Variants in RASSF2 observed in about 807,000 individuals in gnomAD.
The protein encoded by RASSF2 is ras association domain-containing protein 2.
RASSF2 carries 34 observed loss-of-function variants against 46.3 expected under a neutral mutation model. The ratio of observed to expected loss-of-function variants is 0.73; its 90% confidence interval spans 0.56 to 0.98. RASSF2 has a LOEUF of 0.98. Among genes scored for constraint, RASSF2 ranks in the 50% least tolerant of loss-of-function variants. The pLI is 0.00. For synonymous variants in RASSF2, 158 were observed against 162.5 expected, an observed-to-expected ratio of 0.97 and a Z score of 0.21; for missense variants, 364 against 431.2, an observed-to-expected ratio of 0.84 and a Z score of 1.38.
intron 2 of RASSF2, among the ~76,000 whole-genome samples, chr20:4,811,632 A>G (rs1378082560): frequency 6.6e-6 from 1 of 152,060 alleles, no homozygotes; most frequent in African/African-American, 2.4e-5. Context: ...CCCTACTACT[A>G]ATATTTCCAA....
chr20:4,785,860 A>C (rs1383499969), intron 11 of RASSF2, among the ~76,000 whole-genome samples: 2 of 152,210 alleles, frequency 1.3e-5, no homozygotes, highest in East Asian at 1.9e-4. Flanking sequence ...CGGAGTGAGC[A>C]TCTGTCTCCT....
intron 6 of RASSF2, 24 bp downstream of exon 6, chr20:4,792,515 G>A (rs768239115): frequency 6.2e-7 from 1 of 1,613,898 alleles, no homozygotes; most frequent in Non-Finnish European, 8.5e-7. Context: ...TCCCTAGCTG[G>A]AAGTACCTTC....
chr20:4,786,158 C>T (rs567701086), intron 11 of RASSF2, 73 bp downstream of exon 11: 20 of 1,243,736 alleles, frequency 1.6e-5, no homozygotes, highest in African/African-American at 7.5e-5. Context: ...ACAGTCCCTG[C>T]GAGGACCCAG....
chr20:4,789,658 C>T lies in RASSF2; in HGVS notation c.577G>A (p.Val193Ile), dbSNP rs750014996. 3.0e-5 allele frequency: 49 copies of T among 1,614,026 alleles called. No homozygotes were observed. Among genetic ancestry groups the T allele is most frequent in the Non-Finnish European group, 4.2e-5 (49 of 1,180,002 alleles). ...GTGGTCATGGTGCTGTTGATGCGGA[C>T]GTTGGTGACAGAGCCATAGGCTGGT... ...FTPAYGSVTN[V>I]RINSTMTTPQ... The change falls in exon 8 of 12, where the codon GTC (valine) becomes ATC (isoleucine). Residue 193 changes from valine (V) to isoleucine (I), a missense_variant. Coordinates refer to ENST00000379400, the MANE Select transcript of RASSF2 (RefSeq NM_014737.3).
rs982502159 is a variant in RASSF2, at chr20:4,780,682, T to C, written c.*3591A>G. The C allele has an allele frequency of 6.6e-6, 1 of 152,228 alleles. No individual in the cohort carries two copies. Among genetic ancestry groups the C allele is most frequent in the African/African-American group, 2.4e-5 (1 of 41,454 alleles). The allele number at this position is 152,228 out of a possible 1,614,324, so 9.4% of individuals were successfully genotyped here. Reference sequence around the variant, plus strand: ...GCCTTGTTCATGTAGAAATTTCTCTTTTGGCTGGGCACAGTGGCTCACGCC... The same window carrying C: ...GCCTTGTTCATGTAGAAATTTCTCTCTTGGCTGGGCACAGTGGCTCACGCC... On this transcript the variant is annotated 3_prime_UTR_variant, in exon 12 of 12. Coordinates refer to ENST00000379400, the MANE Select transcript of RASSF2 (RefSeq NM_014737.3).
At chr20:4,810,475 C>T (rs1044408103) in intron 2 of RASSF2, among the ~76,000 whole-genome samples, 4 of 152,160 alleles carry the variant, frequency 2.6e-5, no homozygotes, top group Non-Finnish European at 5.9e-5. Flanking sequence ...TCCAAACGCT[C>T]CATGATCAGG....
chr20:4,796,141 G>A (rs141927711), intron 4 of RASSF2, among the ~76,000 whole-genome samples, 175 bp from the exon 5 acceptor site: 1,894 of 152,244 alleles, frequency 0.012, 33 homozygotes, highest in African/African-American at 0.043. Flanking sequence ...ACTTTCTGAC[G>A]TCAACTACTC....
At chr20:4,805,018 G>A (rs901112179) in intron 2 of RASSF2, among the ~76,000 whole-genome samples, 1 of 152,116 alleles carries the variant, frequency 6.6e-6, no homozygotes, top group Non-Finnish European at 1.5e-5. Flanking sequence ...GCAACTCGGA[G>A]CTGTGCGAGA....
chr20:4,822,868 G>A (rs969301609), intron 1 of RASSF2, among the ~76,000 whole-genome samples: 2 of 152,144 alleles, frequency 1.3e-5, no homozygotes, highest in South Asian at 2.1e-4. Flanking sequence ...GCACTCTCCA[G>A]GGCTGTCAGG....
intron 6 of RASSF2, 101 bp downstream of exon 6, chr20:4,792,438 A>G: frequency 1.3e-6 from 2 of 1,551,068 alleles, no homozygotes; most frequent in Admixed American, 2.0e-5. Context: ...TGAACCATAT[A>G]CATTTTATAT....
At chr20:4,808,826 T>C (rs771078585) in intron 2 of RASSF2, among the ~76,000 whole-genome samples, 1 of 152,222 alleles carries the variant, frequency 6.6e-6, no homozygotes, top group Non-Finnish European at 1.5e-5. Flanking sequence ...CTAAAACATA[T>C]TTAAATCTAC....
chr20:4,821,400 C>A (rs1424659290), intron 2 of RASSF2, among the ~76,000 whole-genome samples: 1 of 152,090 alleles, frequency 6.6e-6, no homozygotes, highest in Non-Finnish European at 1.5e-5. Context: ...CCCCAGTTGG[C>A]CAGATATGGA....
intron 2 of RASSF2, among the ~76,000 whole-genome samples, chr20:4,821,406 A>G (rs941424017): frequency 5.9e-5 from 9 of 152,152 alleles, no homozygotes; most frequent in African/African-American, 2.2e-4. Flanking sequence ...TTGGCCAGAT[A>G]TGGAGGGCAC....
At chr20:4,809,651 C>G (rs1473172060) in intron 2 of RASSF2, among the ~76,000 whole-genome samples, 1 of 152,232 alleles carries the variant, frequency 6.6e-6, no homozygotes, top group Non-Finnish European at 1.5e-5. Context: ...TCCAGGGACA[C>G]TAACCTGCTA....
chr20:4,793,454 T>C (rs1926076878), intron 5 of RASSF2, among the ~76,000 whole-genome samples: 1 of 152,124 alleles, frequency 6.6e-6, no homozygotes, highest in African/African-American at 2.4e-5. Context: ...GGAAGGACAA[T>C]TAAAATGGAA....
chr20:4,798,430 C>T (rs1407165928), intron 3 of RASSF2, among the ~76,000 whole-genome samples: 1 of 152,186 alleles, frequency 6.6e-6, no homozygotes, highest in African/African-American at 2.4e-5. Flanking sequence ...GAGGCGAGCA[C>T]TTCAGAGCCC....
At chr20:4,787,950 T>C (rs1211942663) in intron 9 of RASSF2, among the ~76,000 whole-genome samples, 196 bp from the exon 10 acceptor site, 3 of 152,134 alleles carry the variant, frequency 2.0e-5, no homozygotes, top group Non-Finnish European at 4.4e-5. Flanking sequence ...CCACCATGCC[T>C]CAAACTCCTT....
At position 4,792,277 on chromosome 20, in the gene RASSF2, G is replaced by A. The variant is rs1430066294; in HGVS notation, c.376+262C>T. Among the ~76,000 whole-genome samples the A allele has an allele frequency of 1.0e-4, 14 of 136,428 alleles. No homozygotes were observed. The South Asian group carries it at 3.8e-3, about 37-fold the overall frequency. The allele number at this position is 136,428 out of a possible 152,430, so 89.5% of individuals were successfully genotyped here. On this transcript the variant is annotated intron_variant, in intron 6 of 11. Coordinates refer to ENST00000379400, the MANE Select transcript of RASSF2 (RefSeq NM_014737.3). ...GGAGAGGAGGGGAGGGGAGGGGAGGGGAGGGGAGGGGGAAAGAAACTACAT... is the reference window on the plus strand; with the variant it reads ...GGAGAGGAGGGGAGGGGAGGGGAGGAGAGGGGAGGGGGAAAGAAACTACAT...
chr20:4,816,923 G>A (rs189668359), intron 2 of RASSF2, among the ~76,000 whole-genome samples: 41 of 152,206 alleles, frequency 2.7e-4, no homozygotes, highest in African/African-American at 9.9e-4. Context: ...GGCCAACATG[G>A]TGAAACCCTG....
Sources: gnomAD v4.1 joint callset for allele counts (sites outside exome capture counted in the v4.1 genomes callset) on GRCh38, gnomAD v4.1.1 for gene constraint, MANE v1.5 for transcripts, NCBI Gene and HGNC (gene_info 2026-07-23, HGNC 2026-07-21) for gene names.